Variants in TTC7B observed in about 807,000 individuals in gnomAD.
TTC7B encodes tetratricopeptide repeat domain 7B, also known as tetratricopeptide repeat protein 7B.
Under a neutral mutation model 106.8 loss-of-function variants are expected in TTC7B, and 28 were observed. That is an observed-to-expected ratio of 0.26 (90% confidence interval 0.19 to 0.36). The LOEUF is 0.36. Ranked by LOEUF, TTC7B falls within the 10% of genes least tolerant of loss-of-function variation. The pLI is 1.00. For missense variants in TTC7B, 862 were observed against 1,076.4 expected, an observed-to-expected ratio of 0.80 and a Z score of 2.79; for synonymous variants, 405 against 430.6, an observed-to-expected ratio of 0.94 and a Z score of 0.74.
chr14:90,609,300 T>C (rs1892781376), intron 17 of TTC7B, among the ~76,000 whole-genome samples: 1 of 152,188 alleles, frequency 6.6e-6, no homozygotes, highest in Non-Finnish European at 1.5e-5. Context: ...ACTGCACCAA[T>C]TTACGATTTG....
In TTC7B at chr14:90,526,322, C is replaced by G. The variant is rs1889150051; in HGVS notation, c.*15046G>C. ...CATGTGCTTGTTGGCCTAGACCTTA[C>G]TTTAAAAAAAAATAAACTATTAAGT... On this transcript the variant is annotated 3_prime_UTR_variant, in exon 20 of 20. Coordinates refer to ENST00000328459, the MANE Select transcript of TTC7B (RefSeq NM_001010854.2). 1.3e-5 allele frequency: 2 copies of G among 152,076 alleles called. No individual in the cohort carries two copies. The highest frequency in any genetic ancestry group is 6.5e-5 in the Admixed American group (1 of 15,268). 9.4% of individuals were successfully genotyped at this position (152,076 alleles called of 1,614,324 possible). A position where few individuals can be genotyped will look rare whatever the true frequency, so the allele number is the denominator to read the frequency against.
At chr14:90,549,169 G>A (rs1889967324) in intron 19 of TTC7B, among the ~76,000 whole-genome samples, 1 of 151,826 alleles carries the variant, frequency 6.6e-6, no homozygotes, top group South Asian at 2.1e-4. Flanking sequence ...CTGCAAGTCA[G>A]CCACCGCTCA....
At chr14:90,711,666 C>T (rs1888452895) in intron 5 of TTC7B, among the ~76,000 whole-genome samples, 1 of 152,224 alleles carries the variant, frequency 6.6e-6, no homozygotes. Flanking sequence ...AGGTGATCCA[C>T]CCGCCTTTGC....
intron 18 of TTC7B, among the ~76,000 whole-genome samples, chr14:90,582,062 C>T (rs753240603): frequency 6.6e-4 from 100 of 152,184 alleles, no homozygotes; most frequent in Non-Finnish European, 1.1e-3. Context: ...CAAATCCCTC[C>T]GTTTTCAGCT....
At chr14:90,792,183 C>T (rs1891608408) in intron 1 of TTC7B, among the ~76,000 whole-genome samples, 1 of 152,128 alleles carries the variant, frequency 6.6e-6, no homozygotes, top group African/African-American at 2.4e-5. Context: ...TACCCAAGTG[C>T]TATGCGGATT....
At chr14:90,710,835 C>T (rs1185854121) in intron 5 of TTC7B, among the ~76,000 whole-genome samples, 1 of 152,118 alleles carries the variant, frequency 6.6e-6, no homozygotes, top group East Asian at 1.9e-4. Flanking sequence ...GTAAATATAA[C>T]TTTTATATGT....
chr14:90,712,562 G>A (rs1749713), intron 5 of TTC7B, among the ~76,000 whole-genome samples: 51,738 of 151,972 alleles, frequency 0.34, 9,114 homozygotes, highest in Middle Eastern at 0.39. Context: ...CTTAGGAATG[G>A]ATTTAACAGA....
At position 90,808,920 on chromosome 14, in the gene TTC7B, GGTAA is replaced by G. The variant is rs2030748400; in HGVS notation, c.121+7251_121+7254del. Among the ~76,000 whole-genome samples, 1 of 152,204 alleles carries G rather than the reference GGTAA, an allele frequency of 6.6e-6. No homozygotes were observed. The highest frequency in any genetic ancestry group is 1.5e-5 in the Non-Finnish European group (1 of 68,044). ...GCAGCTGGGGTGCAGGGATGCTCTGGGTAAGTAAGAGGTGTACCAGTTAGAACGC... is the reference window on the plus strand; with the variant it reads ...GCAGCTGGGGTGCAGGGATGCTCTGGGTAAGAGGTGTACCAGTTAGAACGC... On this transcript the variant is annotated intron_variant, in intron 1 of 19. Coordinates refer to ENST00000328459, the MANE Select transcript of TTC7B (RefSeq NM_001010854.2). This position sits in a 1 kb window ranked among gnomAD's most constrained non-coding sequence, Gnocchi z 4.2.
intron 9 of TTC7B, among the ~76,000 whole-genome samples, chr14:90,669,046 A>G (rs1886529533): frequency 6.6e-6 from 1 of 152,160 alleles, no homozygotes; most frequent in Admixed American, 6.5e-5. Context: ...TTAAGATTCC[A>G]GGAAAAAATT....
At chr14:90,553,514 G>A (rs181233739) in intron 19 of TTC7B, among the ~76,000 whole-genome samples, 30 of 152,236 alleles carry the variant, frequency 2.0e-4, no homozygotes, top group South Asian at 8.3e-4. Context: ...TGATTTCCCC[G>A]GGCAGCCCAC....
intron 14 of TTC7B, 91 bp from the exon 15 acceptor site, chr14:90,644,299 T>A (rs1885339075): frequency 8.3e-7 from 1 of 1,204,976 alleles, no homozygotes; most frequent in Non-Finnish European, 1.1e-6. Flanking sequence ...GAAGCCATCT[T>A]TTCAATGTCT....
chr14:90,592,237 T>C (rs2139820340), intron 18 of TTC7B, among the ~76,000 whole-genome samples: 1 of 152,302 alleles, frequency 6.6e-6, no homozygotes, highest in African/African-American at 2.4e-5. Context: ...CTCAGCCAAA[T>C]GTGGGCTTTC....
At chr14:90,796,926 C>A (rs1428828998) in intron 1 of TTC7B, among the ~76,000 whole-genome samples, 1 of 151,370 alleles carries the variant, frequency 6.6e-6, no homozygotes, top group African/African-American at 2.4e-5. Flanking sequence ...CAGCCCGTTG[C>A]AACCTGACTC....
chr14:90,614,796 G>A (rs1893004418), intron 16 of TTC7B, among the ~76,000 whole-genome samples: 1 of 152,216 alleles, frequency 6.6e-6, no homozygotes, highest in African/African-American at 2.4e-5. Flanking sequence ...GCATGGAGAA[G>A]TTTCAATAAA....
intron 19 of TTC7B, among the ~76,000 whole-genome samples, chr14:90,558,350 A>AG (rs1337337553): frequency 6.6e-6 from 1 of 152,250 alleles, no homozygotes; most frequent in Admixed American, 6.5e-5. Flanking sequence ...TTCAACACAC[A>AG]GGGGGCTGAG....
chr14:90,723,177 G>T (rs1350733684), intron 5 of TTC7B, among the ~76,000 whole-genome samples: 1 of 152,058 alleles, frequency 6.6e-6, no homozygotes, highest in Middle Eastern at 3.2e-3. Flanking sequence ...ATGGTTCAAG[G>T]CTGAAACTGG....
At chr14:90,664,190 G>A (rs934076433) in intron 9 of TTC7B, among the ~76,000 whole-genome samples, 1 of 152,104 alleles carries the variant, frequency 6.6e-6, no homozygotes, top group African/African-American at 2.4e-5. Context: ...TATGTGTATG[G>A]GACAGAGTAA....
chr14:90,741,226 T>A (rs1889750102), intron 4 of TTC7B, among the ~76,000 whole-genome samples: 1 of 151,838 alleles, frequency 6.6e-6, no homozygotes, highest in African/African-American at 2.4e-5. Flanking sequence ...ACCCAACAAC[T>A]CAGAACATCC....
intron 4 of TTC7B, among the ~76,000 whole-genome samples, chr14:90,731,533 C>T (rs1462817735): frequency 6.6e-6 from 1 of 152,098 alleles, no homozygotes; most frequent in Non-Finnish European, 1.5e-5. Flanking sequence ...GGAATGAAAC[C>T]CAGGTGGGCA....
Sources: gnomAD v4.1 joint callset for allele counts (sites outside exome capture counted in the v4.1 genomes callset) on GRCh38, gnomAD v4.1.1 for gene constraint, Gnocchi (gnomAD v3.1) non-coding constraint, MANE v1.5 for transcripts, NCBI Gene and HGNC (gene_info 2026-07-23, HGNC 2026-07-21) for gene names.